The following CEP57L1 variants were observed in gnomAD, a reference collection of about 807,000 sequenced individuals.
The protein encoded by CEP57L1 is centrosomal protein CEP57L1.
Under a neutral mutation model 61.0 loss-of-function variants are expected in CEP57L1, and 37 were observed. The ratio of observed to expected loss-of-function variants is 0.61; its 90% CI spans 0.47 to 0.80. CEP57L1 has a LOEUF of 0.80. CEP57L1 is among the 30% of genes least tolerant of loss of function. CEP57L1 has a pLI of 0.00. For missense variants in CEP57L1, 422 were observed against 524.7 expected, an observed-to-expected ratio of 0.80 and a Z score of 1.91; for synonymous variants, 137 against 162.3, an observed-to-expected ratio of 0.84 and a Z score of 1.19.
In CEP57L1 at chr6:109,162,980, A is replaced by C. The variant is rs1022128773; in HGVS notation, c.*10A>C. The C allele has an allele frequency of 1.3e-6, 2 of 1,561,602 alleles. No individual in the cohort carries two copies. Among genetic ancestry groups the C allele is most frequent in the Non-Finnish European group, 1.8e-6 (2 of 1,134,638 alleles). On this transcript the variant is annotated 3_prime_UTR_variant, in exon 11 of 11. Transcript: ENST00000517392. ...CATGTGGGAACAGTAACAAAACAGC[A>C]AAACTGTCACCTTAATGAACTTTGT...
rs935803143 is a variant in CEP57L1 at position 109,165,201 on chromosome 6, A to G, written c.*2231A>G. On this transcript the variant is annotated 3_prime_UTR_variant, in exon 11 of 11. Transcript: ENST00000517392. ...TTCAGAGCTAGGAAACTTGGTTTCA[A>G]ATTCTGGGACTCTACCATTTAATAG... Among the ~76,000 whole-genome samples the G allele has an allele frequency of 2.0e-4, 30 of 152,276 alleles. No homozygotes were observed. Among genetic ancestry groups the G allele is most frequent in the African/African-American group, 5.5e-4 (23 of 41,572 alleles).
chr6:109,154,906 G>T (rs1311189714), intron 5 of CEP57L1, among the ~76,000 whole-genome samples: 1 of 151,802 alleles, frequency 6.6e-6, no homozygotes, highest in African/African-American at 2.4e-5. Context: ...GACTATAATT[G>T]TTTGACCTGC....
chr6:109,095,479 A>G, upstream of CEP57L1: 1 of 985,900 alleles, frequency 1.0e-6, no homozygotes, highest in Non-Finnish European at 1.2e-6. Context: ...TGTTTGCGAC[A>G]GAAACTACAA....
At position 109,165,414 on chromosome 6, in the gene CEP57L1, CAAAA is replaced by C. The variant is rs75804779; in HGVS notation, c.*2457_*2460del. Among the ~76,000 whole-genome samples, 3 of 108,654 alleles carry C rather than the reference CAAAA, an allele frequency of 2.8e-5. No individual in the cohort carries two copies. Among genetic ancestry groups the C allele is most frequent in the African/African-American group, 3.4e-5 (1 of 29,180 alleles). The allele number at this position is 108,654 out of a possible 152,430, so 71.3% of individuals were successfully genotyped here. ...ATAAATATTTTTTGAATCTGAGTGG[CAAAA>C]AAAAAAAAAAAATGTAGAACACATG... On this transcript the variant is annotated 3_prime_UTR_variant, in exon 11 of 11. Coordinates refer to ENST00000517392, the MANE Select transcript of CEP57L1 (RefSeq NM_001271852.3).
chr6:109,121,442 T>TC (rs1772962955), intron 1 of CEP57L1, among the ~76,000 whole-genome samples: 1 of 152,300 alleles, frequency 6.6e-6, no homozygotes, highest in East Asian at 1.9e-4. Context: ...AATTTTTTTT[T>TC]CACTGTGGCA....
chr6:109,097,916 T>G (rs907450401), intron 1 of CEP57L1, among the ~76,000 whole-genome samples: 2 of 152,144 alleles, frequency 1.3e-5, no homozygotes, highest in African/African-American at 4.8e-5. Context: ...GAAGCCTGAG[T>G]GCGCATTTGA....
intron 1 of CEP57L1, among the ~76,000 whole-genome samples, chr6:109,103,318 T>C (rs1770544444): frequency 6.6e-6 from 1 of 152,216 alleles, no homozygotes; most frequent in Non-Finnish European, 1.5e-5. Context: ...GTCAACCAAG[T>C]ACTATATGTG....
chr6:109,134,023 A>G (rs950353890), intron 1 of CEP57L1, among the ~76,000 whole-genome samples: 11 of 152,206 alleles, frequency 7.2e-5, no homozygotes, highest in Admixed American at 1.3e-4. Flanking sequence ...AACTATTCCA[A>G]TCAATAGAAA....
At chr6:109,149,657 A>T (rs1481326896) in intron 3 of CEP57L1, among the ~76,000 whole-genome samples, 2 of 152,110 alleles carry the variant, frequency 1.3e-5, no homozygotes, top group Non-Finnish European at 2.9e-5. Context: ...TCTGTGAAGA[A>T]AGTCATTGGT....
chr6:109,162,204 T>C (rs1773775522), intron 10 of CEP57L1, among the ~76,000 whole-genome samples: 1 of 152,114 alleles, frequency 6.6e-6, no homozygotes, highest in Non-Finnish European at 1.5e-5. Flanking sequence ...AACACATATT[T>C]ATACACACAC....
At chr6:109,111,337 T>A (rs548263338) in intron 1 of CEP57L1, among the ~76,000 whole-genome samples, 3 of 152,140 alleles carry the variant, frequency 2.0e-5, no homozygotes, top group Admixed American at 1.3e-4. Flanking sequence ...TGTTATTGGT[T>A]TATAAGAATA....
intron 1 of CEP57L1, among the ~76,000 whole-genome samples, chr6:109,122,343 T>C (rs1340598895): frequency 6.6e-6 from 1 of 152,244 alleles, no homozygotes; most frequent in East Asian, 1.9e-4. Flanking sequence ...TGTCTCATTC[T>C]GAATGCTGGG....
chr6:109,156,761 A>T (rs1270712063), intron 7 of CEP57L1: 1 of 151,818 alleles, frequency 6.6e-6, no homozygotes, highest in Non-Finnish European at 1.5e-5. Context: ...AACTTTGGCT[A>T]CTCTTTTATT....
chr6:109,118,966 T>C (rs1772629787), intron 1 of CEP57L1, among the ~76,000 whole-genome samples: 1 of 152,158 alleles, frequency 6.6e-6, no homozygotes, highest in Admixed American at 6.5e-5. Context: ...ATTATTTCAA[T>C]ATATATTAAA....
Position 109,168,980 on chromosome 6 carries a change from C to G in CEP57L1, c.*6010C>G, listed in dbSNP as rs1336040400. Among the ~76,000 whole-genome samples, 8 of 151,340 alleles carry G rather than the reference C, an allele frequency of 5.3e-5. No homozygotes were observed. The highest frequency in any genetic ancestry group is 1.2e-4 in the Non-Finnish European group (8 of 67,828). ...GGCTCACGCCTGTAAAATCTTAACA[C>G]TTTAGGAGGCCGAGGCGGGCAGATT... On this transcript the variant is annotated 3_prime_UTR_variant, in exon 11 of 11. Coordinates refer to ENST00000517392, the MANE Select transcript of CEP57L1 (RefSeq NM_001271852.3).
chr6:109,140,291 C>T (rs1771207447), intron 1 of CEP57L1: 1 of 151,980 alleles, frequency 6.6e-6, no homozygotes, highest in South Asian at 2.1e-4. Flanking sequence ...TTTTGACTTA[C>T]AAAAGCCCTT....
chr6:109,133,301 A>G (rs985334701), intron 1 of CEP57L1, among the ~76,000 whole-genome samples: 4 of 152,152 alleles, frequency 2.6e-5, no homozygotes, highest in Non-Finnish European at 5.9e-5. Flanking sequence ...ATCATGAGAC[A>G]TTAGTTCGAT....
intron 1 of CEP57L1, among the ~76,000 whole-genome samples, chr6:109,104,507 C>T (rs1177432337): frequency 6.6e-6 from 1 of 152,162 alleles, no homozygotes; most frequent in Non-Finnish European, 1.5e-5. Context: ...ACTGGCAGTT[C>T]ATGGGAATTT....
intron 1 of CEP57L1, among the ~76,000 whole-genome samples, chr6:109,134,860 T>C (rs957063901): frequency 1.3e-5 from 2 of 152,134 alleles, no homozygotes; most frequent in South Asian, 2.1e-4. Context: ...TTACAAGGGA[T>C]GTGAAGGACC....
Sources: gnomAD v4.1 joint callset for allele counts (sites outside exome capture counted in the v4.1 genomes callset) on GRCh38, gnomAD v4.1.1 for gene constraint, MANE v1.5 for transcripts, NCBI Gene and HGNC (gene_info 2026-07-23, HGNC 2026-07-21) for gene names.